Variants in JUP observed in about 807,000 individuals in gnomAD.
JUP encodes catenin (cadherin-associated protein), gamma 80kDa.
In JUP, 28 loss-of-function variants were observed where a neutral mutation model predicts 71.1. The ratio of observed to expected loss-of-function variants is 0.39; its 90% CI spans 0.29 to 0.54. JUP has a LOEUF of 0.54. Ranked by LOEUF, JUP falls within the 20% of genes least tolerant of loss-of-function variation. JUP has a pLI of 0.62. For synonymous variants in JUP, 401 were observed against 438.9 expected, an observed-to-expected ratio of 0.91 and a Z score of 1.08; for missense variants, 869 against 1,030.1, an observed-to-expected ratio of 0.84 and a Z score of 2.14.
In JUP at chr17:41,762,176, A is replaced by AGTGT. The variant is rs137970272; in HGVS notation, c.1497+803_1497+806dup. Among the ~76,000 whole-genome samples, 175 of 44,822 alleles carry AGTGT rather than the reference A, an allele frequency of 3.9e-3. 5 individuals are homozygous for AGTGT. Among genetic ancestry groups the AGTGT allele is most frequent in the East Asian group, 0.011 (13 of 1,148 alleles). 29.4% of individuals were successfully genotyped at this position (44,822 alleles called of 152,430 possible). On this transcript the variant is annotated intron_variant, in intron 8 of 13. Coordinates refer to ENST00000393931, the MANE Select transcript of JUP (RefSeq NM_002230.4). ...GAGAGAGAGAGAGAGAGAGAGAGAG[A>AGTGT]GTGTGTGTGTGTGTGTGTGTGTGTG... is the stretch of plus-strand genomic sequence containing the variant.
At chr17:41,773,114 G>T in intron 1 of JUP, 1 of 483,550 alleles carries the variant, frequency 2.1e-6, no homozygotes, top group Non-Finnish European at 2.7e-6. Flanking sequence ...AAGGTCTGTA[G>T]TCTTTGCACA....
At chr17:41,772,931 G>C (rs782084668) in intron 1 of JUP, 22 of 985,382 alleles carry the variant, frequency 2.2e-5, no homozygotes, top group Non-Finnish European at 2.7e-5. Flanking sequence ...CAGAGGCTGC[G>C]GGGAGAATGG....
rs1914071758 is a variant in JUP, at chr17:41,757,687, T to C, written c.1871A>G (p.Glu624Gly). 6.2e-7 allele frequency: 1 copy of C among 1,613,490 alleles called. No homozygotes were observed. Among genetic ancestry groups the C allele is most frequent in the Non-Finnish European group, 8.5e-7 (1 of 1,179,674 alleles). ...CTCCATGAGTGGGGCCGAGGCCCCC[T>C]CTGCATCAATGGCGTCGGCCGCCTC... ...DKEAADAIDA[E>G]GASAPLMELL... The change falls in exon 11 of 14, where the codon GAG (glutamate) becomes GGG (glycine). Residue 624 changes from glutamate (E) to glycine (G), a missense_variant. Coordinates refer to ENST00000393931, the MANE Select transcript of JUP (RefSeq NM_002230.4).
chr17:41,763,180 C>T lies in JUP; in HGVS notation c.1300G>A (p.Gly434Ser), dbSNP rs1555602250. 9 of 1,614,220 alleles carry T rather than the reference C, an allele frequency of 5.6e-6. No individual in the cohort carries two copies. Among genetic ancestry groups the T allele is most frequent in the Admixed American group, 3.3e-5 (2 of 60,028 alleles). Residue 434 changes from glycine to serine, a missense_variant, in exon 8 of 14, where the codon GGT (glycine) becomes AGT (serine). By Grantham distance (56) the Gly-to-Ser change is moderately conservative. Transcript: ENST00000393931. ...ATGGCATGGATGAGAGCCTCCACAC[C>T]GCTGTTCTGTGTCACCAGCGTCTTG... ...KNKTLVTQNS[G>S]VEALIHAILR...
rs1914240628 is a variant in JUP, at chr17:41,758,449, T to C, written c.1723A>G (p.Met575Val). The C allele has an allele frequency of 9.9e-6, 16 of 1,614,054 alleles. No individual in the cohort carries two copies. In the East Asian group the frequency reaches 1.3e-4, roughly 13 times the overall value. ...AGCCGGAAGATCTCCATGCGGTTCA[T>C]GGGGTCCCGGGCGAGGATGTGCAGT... ...GALHILARDP[M>V]NRMEIFRLNT... is the part of the protein sequence containing the mutation. The change falls in exon 10 of 14, where the codon ATG becomes GTG. Residue 575 changes from methionine to valine, a missense_variant. Physicochemically the swap from Met to Val is conservative, Grantham distance 21 (BLOSUM62 1). Coordinates refer to ENST00000393931, the MANE Select transcript of JUP (RefSeq NM_002230.4).
At chr17:41,756,361 A>G in intron 12 of JUP, 147 bp from the exon 13 acceptor site, 1 of 769,706 alleles carries the variant, frequency 1.3e-6, no homozygotes, top group Non-Finnish European at 2.2e-6. Flanking sequence ...GCACTCTGGG[A>G]GACAGCAGGC....
chr17:41,780,549 G>T (rs181053725), intron 1 of JUP, among the ~76,000 whole-genome samples: 21 of 151,896 alleles, frequency 1.4e-4, no homozygotes, highest in Non-Finnish European at 2.8e-4. Flanking sequence ...ACAAAAATTA[G>T]CTGGGCATGG....
intron 5 of JUP, among the ~76,000 whole-genome samples, chr17:41,766,307 GAAAGGA>G (rs149489390): frequency 0.033 from 4,822 of 148,028 alleles, 249 homozygotes; most frequent in African/African-American, 0.11. Context: ...GGAAGAGAGG[GAAAGGA>G]AAAGGAAAAG....
intron 4 of JUP, among the ~76,000 whole-genome samples, chr17:41,768,519 G>A (rs914739053): frequency 3.3e-4 from 50 of 151,596 alleles, no homozygotes; most frequent in African/African-American, 1.1e-3. Flanking sequence ...CTGAGATCAC[G>A]CCACTGCACT....
chr17:41,782,364 C>T (rs1395805894), intron 1 of JUP, among the ~76,000 whole-genome samples: 1 of 152,226 alleles, frequency 6.6e-6, no homozygotes, highest in Non-Finnish European at 1.5e-5. Flanking sequence ...AGCCTGGCAG[C>T]ACTGCCTCGT....
chr17:41,768,803 C>T (rs146340048), intron 4 of JUP, among the ~76,000 whole-genome samples, 166 bp downstream of exon 4: 7 of 152,318 alleles, frequency 4.6e-5, no homozygotes, highest in African/African-American at 1.7e-4. Flanking sequence ...TGTTTACATG[C>T]CTGTGTTCCC....
At chr17:41,780,611 C>T (rs1173195073) in intron 1 of JUP, among the ~76,000 whole-genome samples, 1 of 151,624 alleles carries the variant, frequency 6.6e-6, no homozygotes, top group African/African-American at 2.4e-5. Context: ...AGGAGAATTG[C>T]TTGAACCTAG....
At chr17:41,782,243 A>G (rs1404499678) in intron 1 of JUP, among the ~76,000 whole-genome samples, 4 of 152,178 alleles carry the variant, frequency 2.6e-5, no homozygotes, top group African/African-American at 9.7e-5. Flanking sequence ...TCTGGCTGAC[A>G]GGCAGCACAC....
At position 41,764,934 on chromosome 17, in the gene JUP, A is replaced by G. The variant is rs1555603334; in HGVS notation, c.1043T>C (p.Ile348Thr). ...GCCATCATACTCACCAGCCTCCACA[A>G]TGGCAGGCTTATTGCTGGGACACAC... Reference protein sequence around the residue: ...LSVCPSNKPAIVEAGGMQALG... With the variant: ...LSVCPSNKPATVEAGGMQALG... Residue 348 changes from isoleucine to threonine, a missense_variant, in exon 6 of 14, where the codon ATT (isoleucine) becomes ACT (threonine). Coordinates refer to ENST00000393931, the MANE Select transcript of JUP (RefSeq NM_002230.4). 1.2e-6 allele frequency: 2 copies of G among 1,614,114 alleles called. No individual in the cohort carries two copies. Among genetic ancestry groups the G allele is most frequent in the Non-Finnish European group, 8.5e-7 (1 of 1,180,012 alleles).
chr17:41,771,010 G>T (rs1555606646), intron 2 of JUP, among the ~76,000 whole-genome samples: 1 of 152,190 alleles, frequency 6.6e-6, no homozygotes, highest in African/African-American at 2.4e-5. Flanking sequence ...GAGCCATAGT[G>T]ATACATCCTC....
intron 1 of JUP, among the ~76,000 whole-genome samples, chr17:41,777,489 A>G (rs982613894): frequency 1.3e-5 from 2 of 152,216 alleles, no homozygotes; most frequent in African/African-American, 4.8e-5. Context: ...GGGCTGCCCA[A>G]GGAGGCCTCT....
At chr17:41,774,170 G>A (rs887655113) in intron 1 of JUP, among the ~76,000 whole-genome samples, 2 of 144,446 alleles carry the variant, frequency 1.4e-5, no homozygotes, top group East Asian at 4.8e-4. Context: ...CAGGTCAACC[G>A]CCAGGAGACT....
chr17:41,769,740 G>A, intron 2 of JUP, 63 bp from the exon 3 acceptor site: 2 of 1,566,402 alleles, frequency 1.3e-6, no homozygotes, highest in Non-Finnish European at 1.7e-6. Context: ...TGGGGAGCAG[G>A]GCAGGCCACA....
rs1260271469 is a variant in JUP at position 41,755,401 on chromosome 17, G to T, written c.*343C>A. 2.4e-6 allele frequency: 1 copy of T among 409,414 alleles called. No individual in the cohort carries two copies. Among genetic ancestry groups the T allele is most frequent in the African/African-American group, 2.0e-5 (1 of 48,874 alleles). The allele number at this position is 409,414 out of a possible 1,614,324, so 25.4% of individuals were successfully genotyped here. ...ACTTTTCTGTCTTGCCCCATCGCCT[G>T]CACGGAGAGCCTCTCAGATGAGGAA... On this transcript the variant is annotated 3_prime_UTR_variant, in exon 14 of 14. Coordinates refer to ENST00000393931, the MANE Select transcript of JUP (RefSeq NM_002230.4).
Sources: gnomAD v4.1 joint callset for allele counts (sites outside exome capture counted in the v4.1 genomes callset) on GRCh38, gnomAD v4.1.1 for gene constraint, MANE v1.5 for transcripts, NCBI Gene and HGNC (gene_info 2026-07-23, HGNC 2026-07-21) for gene names.